Variants in ZNF624 observed in about 807,000 individuals in gnomAD.
ZNF624 encodes the protein zinc finger protein 624.
Under a neutral mutation model 74.7 loss-of-function variants are expected in ZNF624, and 43 were observed. That is an observed-to-expected ratio of 0.58 (90% CI 0.45 to 0.74). ZNF624 has a LOEUF of 0.74. ZNF624 is among the 30% of genes least tolerant of loss of function. ZNF624 has a pLI of 0.00. For synonymous variants in ZNF624, 331 were observed against 341.3 expected (o/e 0.97, Z 0.33); for missense variants, 820 against 1,030.0 (o/e 0.80, Z 2.79).
At chr17:16,617,342 C>A, downstream of ZNF624, 2 of 1,613,594 alleles carry the variant, frequency 1.2e-6, no homozygotes, top group African/African-American at 1.3e-5. Context: ...CGTGGCTTAT[C>A]TTCAATAAGC....
In ZNF624 at chr17:16,624,487, G is replaced by T; in HGVS notation, c.399C>A (p.Thr133=). 1 of 1,572,296 alleles carries T rather than the reference G, an allele frequency of 6.4e-7. No individual in the cohort carries two copies. The change falls in exon 6 of 6, where the codon ACC becomes ACA. Residue 133 remains threonine, a synonymous_variant. Transcript: ENST00000311331. ...PYPDMEPKPA[T]KKATRTKAIS... is the part of the protein sequence containing the mutation. ...TAGCCTTTGTTCGTGTAGCCTTCTTGGTTGCAGGTTTGGGCTCCATGTCTG... is the reference window on the plus strand; with the variant it reads ...TAGCCTTTGTTCGTGTAGCCTTCTTTGTTGCAGGTTTGGGCTCCATGTCTG...
At chr17:16,649,022 A>G (rs1200559697) in intron 2 of ZNF624, among the ~76,000 whole-genome samples, 1 of 152,192 alleles carries the variant, frequency 6.6e-6, no homozygotes, top group Non-Finnish European at 1.5e-5. Flanking sequence ...TTTAGCCCAC[A>G]CTATCATCCC....
intron 3 of ZNF624, among the ~76,000 whole-genome samples, chr17:16,635,710 C>A (rs1325801543): frequency 1.3e-5 from 2 of 151,864 alleles, no homozygotes; most frequent in Non-Finnish European, 2.9e-5. Context: ...AACTGCTGTG[C>A]GTGTAGTGCT....
chr17:16,624,434 A>G lies in ZNF624; in HGVS notation c.452T>C (p.Ile151Thr). 1 of 1,610,376 alleles carries G rather than the reference A, an allele frequency of 6.2e-7. No homozygotes were observed. Among genetic ancestry groups the G allele is most frequent in the Non-Finnish European group, 8.5e-7 (1 of 1,178,982 alleles). ...ACCATTCTCTGTAAGTTTCTCTAGT[A>G]TGGCCTCCTGTGATAAATCTTCAGA... ...AISEDLSQEA[I>T]LEKLTENGLW... The change falls in exon 6 of 6, where the codon ATA (isoleucine) becomes ACA (threonine). Residue 151 changes from isoleucine (I) to threonine (T), a missense_variant. By Grantham distance (89) the Ile-to-Thr change is moderately conservative. Coordinates refer to ENST00000311331, the MANE Select transcript of ZNF624 (RefSeq NM_020787.4).
At chr17:16,631,971 T>A (rs955282564) in intron 5 of ZNF624, among the ~76,000 whole-genome samples, 19 of 152,306 alleles carry the variant, frequency 1.2e-4, no homozygotes, top group African/African-American at 4.6e-4. Context: ...TCCTAAGTAC[T>A]AAAGGCATAG....
In ZNF624 at chr17:16,647,395, C is replaced by G; in HGVS notation, c.88-1G>C. The G allele has an allele frequency of 6.2e-7, 1 of 1,614,072 alleles. No individual in the cohort carries two copies. Among genetic ancestry groups the G allele is most frequent in the Non-Finnish European group, 8.5e-7 (1 of 1,179,928 alleles). On this transcript the variant is annotated splice_acceptor_variant, in intron 2 of 5. Coordinates refer to ENST00000311331, the MANE Select transcript of ZNF624 (RefSeq NM_020787.4). LOFTEE classifies it high-confidence loss of function. ...CATCTGGCTGGGTAACTTCAGGGCTCTGATGGGATACAGGATAAGATCATT... is the reference window on the plus strand; with the variant it reads ...CATCTGGCTGGGTAACTTCAGGGCTGTGATGGGATACAGGATAAGATCATT...
At chr17:16,625,634 A>G (rs889946605) in intron 5 of ZNF624, among the ~76,000 whole-genome samples, 1 of 152,238 alleles carries the variant, frequency 6.6e-6, no homozygotes, top group Non-Finnish European at 1.5e-5. Context: ...GAACTGAACA[A>G]CAAACTAGTC....
At chr17:16,637,524 G>T (rs112232065) in intron 3 of ZNF624, among the ~76,000 whole-genome samples, 1 of 152,054 alleles carries the variant, frequency 6.6e-6, no homozygotes, top group Admixed American at 6.6e-5. Context: ...CAGAGATATA[G>T]ATCAATGGAA....
chr17:16,646,593 T>G (rs1240296644), intron 3 of ZNF624, among the ~76,000 whole-genome samples: 1 of 152,214 alleles, frequency 6.6e-6, no homozygotes, highest in African/African-American at 2.4e-5. Context: ...AAAAGAATGC[T>G]GGAATAAGAC....
At chr17:16,620,440 T>C (rs549301418), downstream of ZNF624, among the ~76,000 whole-genome samples, 30 of 152,362 alleles carry the variant, frequency 2.0e-4, no homozygotes, top group South Asian at 5.8e-3. Flanking sequence ...TGGTGGCATG[T>C]TGAAAGTGGA....
chr17:16,618,002 C>G (rs954322807), downstream of ZNF624: 3 of 618,192 alleles, frequency 4.9e-6, no homozygotes, highest in Non-Finnish European at 8.7e-6. Flanking sequence ...TAGTGGCGGC[C>G]GAGTCCAGCC....
chr17:16,623,140 T>C lies in ZNF624; in HGVS notation c.1746A>G (p.Lys582=), dbSNP rs771151570. The C allele has an allele frequency of 1.9e-6, 3 of 1,614,006 alleles. No homozygotes were observed. Among genetic ancestry groups the C allele is most frequent in the South Asian group, 2.2e-5 (2 of 91,074 alleles). The change falls in exon 6 of 6, where the codon AAA becomes AAG. Residue 582 remains lysine, a synonymous_variant. Coordinates refer to ENST00000311331, the MANE Select transcript of ZNF624 (RefSeq NM_020787.4). The surrounding 1 kb of genome is among the most constrained non-coding windows in gnomAD (Gnocchi z 5.3). ...IIHQRIHTEE[K]PYLCNECGES... ...CCCCACATTCATTGCACAGATAAGG[T>C]TTCTCTTCAGTATGAATACGCTGAT...
chr17:16,615,164 C>G, the ZNF624 span, among the ~76,000 whole-genome samples: 1 of 152,164 alleles, frequency 6.6e-6, no homozygotes, highest in Non-Finnish European at 1.5e-5. Flanking sequence ...GTGGTGCGAT[C>G]TGGGCTCACT....
At chr17:16,632,723 C>G (rs1909234825) in intron 5 of ZNF624, among the ~76,000 whole-genome samples, 1 of 152,202 alleles carries the variant, frequency 6.6e-6, no homozygotes, top group South Asian at 2.1e-4. Context: ...AACCTTTTAA[C>G]TTACTGCCTG....
chr17:16,618,304 G>A (rs905954777), downstream of ZNF624, among the ~76,000 whole-genome samples: 5 of 152,014 alleles, frequency 3.3e-5, no homozygotes, highest in African/African-American at 1.2e-4. Context: ...ACAAAGCAAG[G>A]ATCCAACTCA....
chr17:16,627,155 GA>G (rs74377349), intron 5 of ZNF624, among the ~76,000 whole-genome samples: 21,490 of 152,100 alleles, frequency 0.14, 1,695 homozygotes, highest in East Asian at 0.35. Context: ...AAGGTCAAAA[GA>G]ATATGAAGTT....
chr17:16,653,675 G>A (rs999553435), intron 1 of ZNF624, 89 bp downstream of exon 1: 6 of 152,732 alleles, frequency 3.9e-5, no homozygotes, highest in African/African-American at 1.4e-4. Flanking sequence ...GCTCTAGAGG[G>A]AACGGCCACG....
downstream of ZNF624, among the ~76,000 whole-genome samples, chr17:16,618,871 T>A (rs967394004): frequency 6.6e-6 from 1 of 152,254 alleles, no homozygotes; most frequent in Non-Finnish European, 1.5e-5. Flanking sequence ...GACTATATTA[T>A]TGGTAAGGCT....
At chr17:16,649,832 C>G (rs1162503610) in intron 1 of ZNF624, 86 bp from the exon 2 acceptor site, 6 of 1,001,284 alleles carry the variant, frequency 6.0e-6, no homozygotes, top group Non-Finnish European at 7.9e-6. Flanking sequence ...TACAAGTGAG[C>G]ATGACCTCCC....
Sources: allele counts gnomAD v4.1 joint callset (sites outside exome capture counted in the v4.1 genomes callset), GRCh38; gene constraint gnomAD v4.1.1; non-coding constraint Gnocchi (gnomAD v3.1); transcripts MANE v1.5; gene names NCBI Gene and HGNC (gene_info 2026-07-23, HGNC 2026-07-21).